The following ZNF609 variants were observed in gnomAD, a reference collection of about 807,000 sequenced individuals.
The protein encoded by ZNF609 is zinc finger protein 609.
Under a neutral mutation model 109.5 loss-of-function variants are expected in ZNF609, and 11 were observed. That is an observed-to-expected ratio of 0.10 (90% CI 0.06 to 0.17). The LOEUF (loss-of-function observed/expected upper bound fraction) is 0.17. Ranked by LOEUF, ZNF609 falls within the 10% of genes least tolerant of loss-of-function variation. ZNF609 has a pLI of 1.00. For synonymous variants in ZNF609, 646 were observed against 662.0 expected (o/e 0.98, Z 0.37); for missense variants, 1,559 against 1,772.4 (o/e 0.88, Z 2.16).
At chr15:64,659,616 A>G (rs1214292030) in intron 3 of ZNF609, among the ~76,000 whole-genome samples, 2 of 152,172 alleles carry the variant, frequency 1.3e-5, no homozygotes, top group African/African-American at 2.4e-5. Flanking sequence ...TTTGGTCTCA[A>G]TTAAAGAGGG....
chr15:64,667,711 T>TA lies in ZNF609; in HGVS notation c.974-2635_974-2634insA, dbSNP rs1567043044. ...TGGGCAACAAGAGTGAAACTCTGTC[T>TA]CAAAAAAAAAAGAAAAAGAAAAAGA... On this transcript the variant is annotated intron_variant, in intron 3 of 9. Coordinates refer to ENST00000326648, the MANE Select transcript of ZNF609 (RefSeq NM_015042.2). Among the ~76,000 whole-genome samples, 27 of 144,504 alleles carry TA rather than the reference T, an allele frequency of 1.9e-4. No individual in the cohort carries two copies. The East Asian group carries it at 2.8e-3, about 15-fold the overall frequency. The allele number at this position is 144,504 out of a possible 152,430, so 94.8% of individuals were successfully genotyped here.
At chr15:64,594,882 C>T (rs1386569267) in intron 2 of ZNF609, among the ~76,000 whole-genome samples, 5 of 150,428 alleles carry the variant, frequency 3.3e-5, no homozygotes, top group African/African-American at 7.3e-5. Context: ...AAAAATTAGC[C>T]GGGCGCAGTG....
intron 2 of ZNF609, among the ~76,000 whole-genome samples, chr15:64,553,346 A>G (rs897836764): frequency 4.0e-5 from 6 of 151,166 alleles, no homozygotes; most frequent in African/African-American, 9.7e-5. Flanking sequence ...GAGAATTGCC[A>G]TCTTAACAAT....
At chr15:64,680,523 CT>C in intron 7 of ZNF609, 122 bp from the exon 8 acceptor site, 2 of 1,280,722 alleles carry the variant, frequency 1.6e-6, no homozygotes. Flanking sequence ...GTATCTTGCA[CT>C]TTTAGGGGTC....
rs77061625 is a variant in ZNF609 at position 64,504,654 on chromosome 15, T to A, written c.747+4488T>A. On this transcript the variant is annotated intron_variant, in intron 2 of 9. Transcript: ENST00000326648. ...CTGGCTAGTTTTTTTTTTTTTTTTT[T>A]AATTTTAGTAGGGATAGGGGTTCAC... Among the ~76,000 whole-genome samples the A allele has an allele frequency of 1.7e-3, 254 of 150,862 alleles. 1 individual carries two copies. Among genetic ancestry groups the A allele is most frequent in the African/African-American group, 4.3e-3 (177 of 41,104 alleles).
At chr15:64,485,905 G>C (rs747234672) in intron 1 of ZNF609, among the ~76,000 whole-genome samples, 5 of 152,066 alleles carry the variant, frequency 3.3e-5, no homozygotes, top group Non-Finnish European at 7.4e-5. Flanking sequence ...ATTGATATAA[G>C]CCATCTATCT....
intron 1 of ZNF609, among the ~76,000 whole-genome samples, chr15:64,461,995 G>T (rs1027888976): frequency 6.6e-6 from 1 of 152,140 alleles, no homozygotes; most frequent in Non-Finnish European, 1.5e-5. Context: ...CTACCCCAGG[G>T]CTGAGAACTG....
chr15:64,546,388 G>T (rs1342189582), intron 2 of ZNF609, among the ~76,000 whole-genome samples: 1 of 151,882 alleles, frequency 6.6e-6, no homozygotes, highest in Non-Finnish European at 1.5e-5. Context: ...GGGACTACAG[G>T]CATGCACCAC....
intron 2 of ZNF609, among the ~76,000 whole-genome samples, chr15:64,549,367 G>A (rs1032942535): frequency 2.0e-5 from 3 of 152,018 alleles, no homozygotes; most frequent in South Asian, 4.1e-4. Context: ...ATCTTTTTTT[G>A]TATTTTTAGT....
At chr15:64,609,026 C>T (rs1895660688) in intron 2 of ZNF609, among the ~76,000 whole-genome samples, 1 of 151,826 alleles carries the variant, frequency 6.6e-6, no homozygotes, top group Non-Finnish European at 1.5e-5. Flanking sequence ...CGTGAGTTAC[C>T]ACACCCAGCC....
chr15:64,557,151 C>T (rs1187063519), intron 2 of ZNF609, among the ~76,000 whole-genome samples: 3 of 150,458 alleles, frequency 2.0e-5, no homozygotes, highest in African/African-American at 7.3e-5. Context: ...ATATCTGCCA[C>T]TGAGCAAACC....
At chr15:64,475,392 CT>C (rs35289626) in intron 1 of ZNF609, among the ~76,000 whole-genome samples, 20 of 109,570 alleles carry the variant, frequency 1.8e-4, no homozygotes, top group African/African-American at 5.0e-4. Context: ...CACATGTTGT[CT>C]TTTTTTTTTT....
At chr15:64,515,185 G>C (rs1404406510) in intron 2 of ZNF609, among the ~76,000 whole-genome samples, 1 of 152,128 alleles carries the variant, frequency 6.6e-6, no homozygotes, top group East Asian at 1.9e-4. Context: ...GAAAACTACT[G>C]TACTACCTTT....
intron 3 of ZNF609, among the ~76,000 whole-genome samples, chr15:64,664,604 G>C (rs1439440566): frequency 6.6e-6 from 1 of 152,110 alleles, no homozygotes; most frequent in Non-Finnish European, 1.5e-5. Flanking sequence ...TCTGTTAAGT[G>C]TTATTTGCTG....
At chr15:64,535,233 A>G (rs746564865) in intron 2 of ZNF609, among the ~76,000 whole-genome samples, 86 of 152,146 alleles carry the variant, frequency 5.7e-4, no homozygotes, top group Middle Eastern at 3.4e-3. Context: ...AATTTTTTGT[A>G]GATATGAGGT....
At chr15:64,574,432 T>C (rs978316899) in intron 2 of ZNF609, among the ~76,000 whole-genome samples, 1 of 152,146 alleles carries the variant, frequency 6.6e-6, no homozygotes, top group Non-Finnish European at 1.5e-5. Context: ...GTCCATATTA[T>C]GCAAAGCATA....
At chr15:64,573,721 C>G (rs529480183) in intron 2 of ZNF609, among the ~76,000 whole-genome samples, 1 of 152,030 alleles carries the variant, frequency 6.6e-6, no homozygotes, top group Admixed American at 6.6e-5. Flanking sequence ...CCTATTTCAC[C>G]CTTGTCTATT....
At chr15:64,659,191 G>A (rs1292387768) in intron 3 of ZNF609, among the ~76,000 whole-genome samples, 1 of 152,084 alleles carries the variant, frequency 6.6e-6, no homozygotes, top group East Asian at 1.9e-4. Flanking sequence ...TTCAAAAGAG[G>A]TATAAAACGC....
At chr15:64,582,215 A>G (rs953301312) in intron 2 of ZNF609, among the ~76,000 whole-genome samples, 3 of 152,146 alleles carry the variant, frequency 2.0e-5, no homozygotes, top group Non-Finnish European at 4.4e-5. Context: ...AGCCTCTTTC[A>G]TACTACAACA....
Sources: allele counts gnomAD v4.1 joint callset (sites outside exome capture counted in the v4.1 genomes callset), GRCh38; gene constraint gnomAD v4.1.1; transcripts MANE v1.5; gene names NCBI Gene and HGNC (gene_info 2026-07-23, HGNC 2026-07-21).